ADAMTSL1: variants seen among roughly 807,000 people sequenced by gnomAD.
ADAMTSL1 encodes the protein ADAMTS like 1, also known as ADAMTS-like protein 1.
Under a neutral mutation model 201.8 loss-of-function variants are expected in ADAMTSL1, and 126 were observed. That is an observed-to-expected ratio of 0.62 (90% CI 0.54 to 0.72). The LOEUF (loss-of-function observed/expected upper bound fraction) is 0.72. ADAMTSL1 is among the 30% of genes least tolerant of loss of function. ADAMTSL1 has a pLI of 0.00. For synonymous variants in ADAMTSL1, 1,121 were observed against 903.4 expected, an observed-to-expected ratio of 1.24 and a Z score of -4.32; for missense variants, 2,679 against 2,277.8, an observed-to-expected ratio of 1.18 and a Z score of -3.59.
At chr9:18,207,444 T>C (rs962748302) in intron 2 of ADAMTSL1, among the ~76,000 whole-genome samples, 10 of 152,184 alleles carry the variant, frequency 6.6e-5, no homozygotes, top group African/African-American at 2.4e-4. Flanking sequence ...ACTGGGATTA[T>C]AACTCAAGTC....
chr9:18,187,242 G>T (rs1295979031), intron 2 of ADAMTSL1, among the ~76,000 whole-genome samples: 1 of 152,026 alleles, frequency 6.6e-6, no homozygotes, highest in Non-Finnish European at 1.5e-5. Context: ...TACTCTCCAT[G>T]GAGTACAGTC....
chr9:18,770,418 G>T (rs1376571084), intron 16 of ADAMTSL1, among the ~76,000 whole-genome samples, 184 bp from the exon 17 acceptor site: 1 of 152,176 alleles, frequency 6.6e-6, no homozygotes, highest in Non-Finnish European at 1.5e-5. Flanking sequence ...GGAGAGGGTA[G>T]ATCTTGCTAC....
intron 1 of ADAMTSL1, among the ~76,000 whole-genome samples, chr9:18,022,641 A>C (rs1416029690): frequency 6.6e-6 from 1 of 152,182 alleles, no homozygotes; most frequent in Non-Finnish European, 1.5e-5. Flanking sequence ...CAAGTATATT[A>C]TATGGAAACA....
chr9:18,770,849 C>A, intron 17 of ADAMTSL1, 68 bp downstream of exon 17: 2 of 1,486,792 alleles, frequency 1.3e-6, no homozygotes, highest in Non-Finnish European at 9.2e-7. Context: ...CAGACATATA[C>A]ATAGAAAAGG....
chr9:18,182,564 C>G (rs1461457956), intron 2 of ADAMTSL1, among the ~76,000 whole-genome samples: 2 of 152,140 alleles, frequency 1.3e-5, no homozygotes, highest in African/African-American at 4.8e-5. Context: ...ATACTTTATG[C>G]CTGATGCTGG....
intron 20 of ADAMTSL1, among the ~76,000 whole-genome samples, chr9:18,801,399 A>G (rs557267782): frequency 6.6e-6 from 1 of 152,172 alleles, no homozygotes; most frequent in Non-Finnish European, 1.5e-5. Flanking sequence ...TTTTAGGTTC[A>G]GGGGTTGAAT....
Position 18,721,683 on chromosome 9 carries a change from T to C in ADAMTSL1, c.2006+18T>C, listed in dbSNP as rs766492663. The C allele has an allele frequency of 1.9e-6, 3 of 1,612,830 alleles. No individual in the cohort carries two copies. The highest frequency in any genetic ancestry group is 2.5e-6 in the Non-Finnish European group (3 of 1,179,336). On this transcript the variant is annotated intron_variant, in intron 15 of 28. Coordinates refer to ENST00000380548, the MANE Select transcript of ADAMTSL1 (RefSeq NM_001040272.6). ...CCAGCAAGGTAAGGGATGTGTGGCCTGCCCTGCTGTCCAGGGGCACGTACA... is the reference window on the plus strand; with the variant it reads ...CCAGCAAGGTAAGGGATGTGTGGCCCGCCCTGCTGTCCAGGGGCACGTACA...
chr9:18,570,001 G>A (rs561109363), intron 3 of ADAMTSL1, among the ~76,000 whole-genome samples: 1 of 152,062 alleles, frequency 6.6e-6, no homozygotes, highest in Non-Finnish European at 1.5e-5. Flanking sequence ...ATATTTCAAA[G>A]ATGATGCCCA....
chr9:18,706,551 C>A (rs1832243075), intron 13 of ADAMTSL1, 196 bp from the exon 14 acceptor site: 2 of 559,666 alleles, frequency 3.6e-6, no homozygotes, highest in Non-Finnish European at 6.3e-6. Context: ...ATTCATGAAG[C>A]AAGCAACCCA....
chr9:18,685,195 C>A (rs1358312244), intron 13 of ADAMTSL1, among the ~76,000 whole-genome samples: 1 of 152,184 alleles, frequency 6.6e-6, no homozygotes, highest in Non-Finnish European at 1.5e-5. Context: ...AATTAAAGAG[C>A]AAGTAAAGTA....
At chr9:18,044,004 A>G (rs1375413305) in intron 1 of ADAMTSL1, among the ~76,000 whole-genome samples, 1 of 147,188 alleles carries the variant, frequency 6.8e-6, no homozygotes, top group Non-Finnish European at 1.5e-5. Flanking sequence ...CTAGTATGTT[A>G]CTTTCTATCA....
intron 2 of ADAMTSL1, among the ~76,000 whole-genome samples, chr9:18,374,045 A>G (rs1225492703): frequency 6.6e-6 from 1 of 152,206 alleles, no homozygotes; most frequent in African/African-American, 2.4e-5. Flanking sequence ...GAGGAGTTTC[A>G]AAATCATAAA....
chr9:18,182,370 G>T (rs1389304748), intron 2 of ADAMTSL1, among the ~76,000 whole-genome samples: 1 of 151,930 alleles, frequency 6.6e-6, no homozygotes, highest in Non-Finnish European at 1.5e-5. Flanking sequence ...TTTGAAGGAT[G>T]ACTTCTATGA....
At chr9:18,368,428 A>T (rs1028290795) in intron 2 of ADAMTSL1, among the ~76,000 whole-genome samples, 8 of 152,150 alleles carry the variant, frequency 5.3e-5, no homozygotes, top group Admixed American at 5.2e-4. Context: ...AGGCAGTAGA[A>T]CTCATACTTG....
At chr9:18,619,840 A>G (rs190446394) in intron 4 of ADAMTSL1, among the ~76,000 whole-genome samples, 13 of 152,208 alleles carry the variant, frequency 8.5e-5, no homozygotes, top group East Asian at 3.9e-4. Flanking sequence ...CCTGTGCCCA[A>G]TGCCTGCGCT....
intron 2 of ADAMTSL1, among the ~76,000 whole-genome samples, chr9:18,288,259 G>C (rs905481178): frequency 3.3e-5 from 5 of 152,224 alleles, no homozygotes; most frequent in Admixed American, 6.5e-5. Context: ...GAAATCCCAG[G>C]TCAATGTCTC....
chr9:18,570,312 C>T lies in ADAMTSL1; in HGVS notation c.238-3718C>T, dbSNP rs73644247. Among the ~76,000 whole-genome samples, 709 of 151,988 alleles carry T rather than the reference C, an allele frequency of 4.7e-3. 7 individuals carry two copies. Among genetic ancestry groups the T allele is most frequent in the African/African-American group, 0.016 (682 of 41,466 alleles). On this transcript the variant is annotated intron_variant, in intron 3 of 28. Coordinates refer to ENST00000380548, the MANE Select transcript of ADAMTSL1 (RefSeq NM_001040272.6). ...CCAATTTATAATTATAAACCAAAAC[C>T]TTTGTAGATGGTAAATCTCTATACA...
chr9:18,140,735 G>A lies in ADAMTSL1; in HGVS notation c.88-23127G>A, dbSNP rs150630519. Among the ~76,000 whole-genome samples, 693 of 152,266 alleles carry A rather than the reference G, an allele frequency of 4.6e-3. 5 individuals carry two copies. Among genetic ancestry groups the A allele is most frequent in the African/African-American group, 0.016 (663 of 41,548 alleles). ...ATCCAACTTTCCAGAAGCCAACCAA[G>A]GACCAACCTAGTGAGCAGGCCTTTC... On this transcript the variant is annotated intron_variant, in intron 1 of 29. Coordinates refer to the ADAMTSL1 transcript ENST00000680146.
intron 1 of ADAMTSL1, among the ~76,000 whole-genome samples, chr9:18,117,359 C>T (rs143766923): frequency 3.9e-5 from 6 of 152,244 alleles, no homozygotes; most frequent in Non-Finnish European, 7.4e-5. Flanking sequence ...ACCGCCTTCA[C>T]CCTCGCTTCT....
Sources: gnomAD v4.1 joint callset for allele counts (sites outside exome capture counted in the v4.1 genomes callset) on GRCh38, gnomAD v4.1.1 for gene constraint, MANE v1.5 for transcripts, NCBI Gene and HGNC (gene_info 2026-07-23, HGNC 2026-07-21) for gene names.